Variants in TOR1AIP1 observed in about 807,000 individuals in gnomAD.
The protein encoded by TOR1AIP1 is torsin 1A interacting protein 1.
TOR1AIP1 carries 54 observed loss-of-function variants against 63.3 expected under a neutral mutation model. The observed-to-expected ratio is 0.85, with a 90% CI of 0.69 to 1.07. The LOEUF is 1.07. TOR1AIP1 is among the 50% of genes least tolerant of loss of function. TOR1AIP1 has a pLI of 0.00. For synonymous variants in TOR1AIP1, 294 were observed against 273.5 expected, an observed-to-expected ratio of 1.07 and a Z score of -0.74; for missense variants, 736 against 715.0, an observed-to-expected ratio of 1.03 and a Z score of -0.33.
intron 9 of TOR1AIP1, among the ~76,000 whole-genome samples, chr1:179,916,700 CT>C (rs3029850): frequency 3.0e-4 from 29 of 95,160 alleles, no homozygotes; most frequent in African/African-American, 9.3e-4. Context: ...GCATCCTTTT[CT>C]TTTTTTTTTT....
intron 3 of TOR1AIP1, among the ~76,000 whole-genome samples, chr1:179,895,659 G>A (rs1648243170): frequency 1.3e-5 from 2 of 152,164 alleles, no homozygotes; most frequent in Admixed American, 1.3e-4. Context: ...CAGCACTTCG[G>A]GAGGCCGAAG....
chr1:179,912,735 G>A (rs1245670958), intron 8 of TOR1AIP1, among the ~76,000 whole-genome samples: 5 of 152,140 alleles, frequency 3.3e-5, no homozygotes, highest in Non-Finnish European at 7.4e-5. Context: ...TTGAAAAACA[G>A]TATTCCTCTT....
intron 9 of TOR1AIP1, among the ~76,000 whole-genome samples, chr1:179,916,906 C>CTT (rs1649036688): frequency 6.6e-6 from 1 of 151,464 alleles, no homozygotes; most frequent in Non-Finnish European, 1.5e-5. Context: ...GTTTCACAGT[C>CTT]TCGATCTCCT....
intron 3 of TOR1AIP1, 118 bp downstream of exon 3, chr1:179,889,487 A>G (rs1648001645): frequency 3.9e-6 from 3 of 770,568 alleles, no homozygotes; most frequent in Non-Finnish European, 5.9e-6. Context: ...ATATACATTA[A>G]AAAATCTCCC....
intron 8 of TOR1AIP1, among the ~76,000 whole-genome samples, chr1:179,912,128 G>A (rs1289634680): frequency 1.3e-5 from 2 of 150,874 alleles, no homozygotes; most frequent in Admixed American, 6.6e-5. Flanking sequence ...GGGTTCAAGC[G>A]ATTCTCATTC....
chr1:179,883,271 C>G (rs920213205), intron 1 of TOR1AIP1, among the ~76,000 whole-genome samples: 4 of 152,246 alleles, frequency 2.6e-5, no homozygotes, highest in African/African-American at 9.6e-5. Context: ...CTGCCTTTTT[C>G]TGCAGGCCTT....
At position 179,882,897 on chromosome 1, in the gene TOR1AIP1, A is replaced by G. The variant is rs145473759; in HGVS notation, c.395A>G (p.Gln132Arg). ...ACGCGAAGGACTACCCGCCTTCAGCAGCAGCACTCAGAGCAGCCTCCGCTA... is the reference window on the plus strand; with the variant it reads ...ACGCGAAGGACTACCCGCCTTCAGCGGCAGCACTCAGAGCAGCCTCCGCTA... ...MKTRRTTRLQQQHSEQPPLQP... is the reference protein window; with the variant it reads ...MKTRRTTRLQRQHSEQPPLQP... Residue 132 changes from glutamine to arginine, a missense_variant, in exon 1 of 10, where the codon CAG (glutamine) becomes CGG (arginine). Physicochemically the swap from Gln to Arg is conservative, Grantham distance 43. This residue lies in a region of TOR1AIP1 where 464 missense variants were observed against 371.0 expected (regional missense o/e 1.25). Coordinates refer to ENST00000606911, the MANE Select transcript of TOR1AIP1 (RefSeq NM_015602.4). The G allele has an allele frequency of 1.2e-6, 2 of 1,614,012 alleles. No individual in the cohort carries two copies. The highest frequency in any genetic ancestry group is 2.7e-5 in the African/African-American group (2 of 74,928).
chr1:179,898,901 G>T (rs895830231), intron 3 of TOR1AIP1, among the ~76,000 whole-genome samples: 4 of 146,760 alleles, frequency 2.7e-5, no homozygotes, highest in African/African-American at 9.9e-5. Flanking sequence ...CTCTGGGTTA[G>T]TTTTTTTTTT....
rs753120691 is a variant in TOR1AIP1, at chr1:179,884,676, T to TA, written c.476-15dup. 1 of 1,596,600 alleles carries TA rather than the reference T, an allele frequency of 6.3e-7. No individual in the cohort carries two copies. The highest frequency in any genetic ancestry group is 2.3e-5 in the East Asian group (1 of 44,040). On this transcript the variant is annotated splice_polypyrimidine_tract_variant and intron_variant, in intron 1 of 9. Transcript: ENST00000606911. ...ATATATTCTGAATTTTAACTCTTGTTATGTCTGTTTTTTAGAGGATGAAGC... is the reference window on the plus strand; with the variant it reads ...ATATATTCTGAATTTTAACTCTTGTTAATGTCTGTTTTTTAGAGGATGAAGC...
chr1:179,915,998 A>G (rs1270868856), intron 9 of TOR1AIP1, among the ~76,000 whole-genome samples: 7 of 152,244 alleles, frequency 4.6e-5, no homozygotes, highest in Admixed American at 4.6e-4. Context: ...ATGGTACTGT[A>G]TGATGCAGCA....
At chr1:179,904,974 CA>C (rs1336823522) in intron 6 of TOR1AIP1, among the ~76,000 whole-genome samples, 9 of 152,146 alleles carry the variant, frequency 5.9e-5, no homozygotes, top group Admixed American at 5.9e-4. Flanking sequence ...ATTTTTAAAT[CA>C]AGTCTCCCAA....
At chr1:179,911,864 G>A (rs1180320805) in intron 8 of TOR1AIP1, among the ~76,000 whole-genome samples, 3 of 151,906 alleles carry the variant, frequency 2.0e-5, no homozygotes, top group Non-Finnish European at 2.9e-5. Context: ...AATGTTTTCT[G>A]TAGAATCAAT....
At chr1:179,903,570 C>G (rs1247408785) in intron 5 of TOR1AIP1, among the ~76,000 whole-genome samples, 1 of 150,474 alleles carries the variant, frequency 6.6e-6, no homozygotes, top group East Asian at 2.0e-4. Flanking sequence ...TACAGTGGTG[C>G]GATCTCGGCT....
At position 179,912,100 on chromosome 1, in the gene TOR1AIP1, C is replaced by G. The variant is rs138923048; in HGVS notation, c.908-1898C>G. Among the ~76,000 whole-genome samples the G allele has an allele frequency of 5.3e-3, 792 of 149,642 alleles. 9 individuals are homozygous for G. Among genetic ancestry groups the G allele is most frequent in the South Asian group, 0.021 (98 of 4,774 alleles). On this transcript the variant is annotated intron_variant, in intron 8 of 9. Coordinates refer to ENST00000606911, the MANE Select transcript of TOR1AIP1 (RefSeq NM_015602.4). ...AGTGCAGTGGCGTGATCTCAGCTCACTGCAACCTCTGCCTCCTGGGTTCAA... is the reference window on the plus strand; with the variant it reads ...AGTGCAGTGGCGTGATCTCAGCTCAGTGCAACCTCTGCCTCCTGGGTTCAA...
At chr1:179,907,716 GTTGT>G in intron 6 of TOR1AIP1, 103 bp from the exon 7 acceptor site, 2 of 609,160 alleles carry the variant, frequency 3.3e-6, no homozygotes, top group Non-Finnish European at 5.4e-6. Flanking sequence ...TTTTTTGTCT[GTTGT>G]TTGTTTTTAG....
rs761858266 is a variant in TOR1AIP1 at position 179,889,340 on chromosome 1, G to A, written c.581G>A (p.Arg194His). The stretch of plus-strand genomic sequence containing the variant: ...AGTGAAGATCTTGTAATCAGGTTAC[G>A]TCGACCCCCTCTAAGATACCCAAGA... Reference protein sequence around the residue: ...PVSEDLVIRLRRPPLRYPRYE... With the variant: ...PVSEDLVIRLHRPPLRYPRYE... The change falls in exon 3 of 10, where the codon CGT (arginine) becomes CAT (histidine). Residue 194 changes from arginine to histidine, a missense_variant. Physicochemically the swap from Arg to His is conservative, Grantham distance 29 (BLOSUM62 0). Around this residue, in one of 2 missense-constraint regions of TOR1AIP1, gnomAD observed 464 missense variants for 371.0 expected, o/e 1.25. Coordinates refer to ENST00000606911, the MANE Select transcript of TOR1AIP1 (RefSeq NM_015602.4). 14 of 1,605,546 alleles carry A rather than the reference G, an allele frequency of 8.7e-6. No individual in the cohort carries two copies. Among genetic ancestry groups the A allele is most frequent in the Admixed American group, 1.7e-5 (1 of 59,878 alleles).
chr1:179,887,977 C>T (rs1647958111), intron 2 of TOR1AIP1: 2 of 152,168 alleles, frequency 1.3e-5, no homozygotes, highest in African/African-American at 4.8e-5. Flanking sequence ...ATATTTTGTT[C>T]TCTCATACCT....
At chr1:179,891,285 G>A (rs552010257) in intron 3 of TOR1AIP1, among the ~76,000 whole-genome samples, 4 of 152,190 alleles carry the variant, frequency 2.6e-5, no homozygotes, top group South Asian at 4.1e-4. Context: ...ACCGTGGTGC[G>A]ATCTCGGCTC....
At chr1:179,896,958 ATGAT>A (rs1388298813) in intron 3 of TOR1AIP1, among the ~76,000 whole-genome samples, 2 of 152,192 alleles carry the variant, frequency 1.3e-5, no homozygotes, top group African/African-American at 4.8e-5. Flanking sequence ...TGATTCAATA[ATGAT>A]TGATTGTCAA....
Sources: gnomAD v4.1 joint callset for allele counts (sites outside exome capture counted in the v4.1 genomes callset) on GRCh38, gnomAD v4.1.1 for gene constraint, gnomAD v4.1.1 regional missense constraint, MANE v1.5 for transcripts, NCBI Gene and HGNC (gene_info 2026-07-23, HGNC 2026-07-21) for gene names.